Variants in ZNF835 observed in about 807,000 individuals in gnomAD.
The protein encoded by ZNF835 is zinc finger protein 835.
For missense variants in ZNF835, 783 were observed against 758.4 expected (o/e 1.03, Z -0.38); for synonymous variants, 323 against 324.7 (o/e 0.99, Z 0.06).
At chr19:56,667,994 G>T (rs557938126) in intron 1 of ZNF835, among the ~76,000 whole-genome samples, 6 of 152,104 alleles carry the variant, frequency 3.9e-5, no homozygotes, top group Admixed American at 2.6e-4. Flanking sequence ...TTTTTTGTTT[G>T]TTTGTTTTGT....
Position 56,663,857 on chromosome 19 carries a change from AG to A in ZNF835, c.1341del (p.Cys448AlafsTer14). On this transcript the variant is annotated frameshift_variant, in exon 2 of 2. Coordinates refer to ENST00000537055, the MANE Select transcript of ZNF835 (RefSeq NM_001005850.3). LOFTEE classifies it low-confidence loss of function (END_TRUNC). ...QRTHTGERPY[T>X]CPECGKAFSN... ...CTGAAGGCCTTGCCGCACTCGGGGCAGGTGTAGGGCCGCTCGCCCGTGTGCG... is the reference window on the plus strand; with the variant it reads ...CTGAAGGCCTTGCCGCACTCGGGGCAGTGTAGGGCCGCTCGCCCGTGTGCG... 1 of 1,613,406 alleles carries A rather than the reference AG, an allele frequency of 6.2e-7. No homozygotes were observed. The highest frequency in any genetic ancestry group is 8.5e-7 in the Non-Finnish European group (1 of 1,179,884).
rs1490177901 is a variant in ZNF835 at position 56,664,195 on chromosome 19, G to A, written c.1004C>T (p.Ala335Val). Residue 335 changes from alanine (A) to valine (V), a missense_variant, in exon 2 of 2, where the codon GCG becomes GTG. Coordinates refer to ENST00000537055, the MANE Select transcript of ZNF835 (RefSeq NM_001005850.3). ...RRIHTGEKPY[A>V]CGQCAKAFTQ... ...GAAGGCCTTGGCGCACTGGCCGCAC[G>A]CGTAGGGCTTCTCGCCTGTGTGGAT... 3.1e-6 allele frequency: 5 copies of A among 1,607,358 alleles called. No individual in the cohort carries two copies. Among genetic ancestry groups the A allele is most frequent in the Non-Finnish European group, 4.2e-6 (5 of 1,177,834 alleles).
Position 56,663,822 on chromosome 19 carries a change from G to A in ZNF835, c.1377C>T (p.Ser459=), listed in dbSNP as rs1050043027. ...GCACGATGTGGTGCTGGATCAGGTA[G>A]GAGCGGTTGCTGAAGGCCTTGCCGC... The part of the protein sequence containing the change: ...PECGKAFSNR[S]YLIQHHIVHT... Residue 459 remains serine, a synonymous_variant, in exon 2 of 2, where the codon TCC becomes TCT. Coordinates refer to ENST00000537055, the MANE Select transcript of ZNF835 (RefSeq NM_001005850.3). The A allele has an allele frequency of 8.7e-6, 14 of 1,613,972 alleles. No individual in the cohort carries two copies. Among genetic ancestry groups the A allele is most frequent in the Admixed American group, 1.7e-5 (1 of 60,030 alleles).
Position 56,664,974 on chromosome 19 carries a change from G to C in ZNF835, c.225C>G (p.Pro75=), listed in dbSNP as rs748045118. ...TGCACCTCCGGGAACTGCTGTCGTC[G>C]GGGACACTGGCTTGGGTAGCAGCAG... ...SSPAATQASV[P]DDSSSRRCSA... The change falls in exon 2 of 2, where the codon CCC becomes CCG. Residue 75 remains proline (P), a synonymous_variant. Coordinates refer to ENST00000537055, the MANE Select transcript of ZNF835 (RefSeq NM_001005850.3). 2 of 1,614,042 alleles carry C rather than the reference G, an allele frequency of 1.2e-6. No individual in the cohort carries two copies. Among genetic ancestry groups the C allele is most frequent in the South Asian group, 2.2e-5 (2 of 91,088 alleles).
Position 56,664,708 on chromosome 19 carries a change from T to G in ZNF835, c.491A>C (p.Lys164Thr), listed in dbSNP as rs775444825. Residue 164 changes from lysine to threonine, a missense_variant, in exon 2 of 2, where the codon AAG becomes ACG. Lys to Thr is a moderately conservative substitution (Grantham distance 78). Transcript: ENST00000537055. Reference protein sequence around the residue: ...TLHQRTHTGEKPYACHECGKA... With the variant: ...TLHQRTHTGETPYACHECGKA... ...GCCGCACTCGTGGCAGGCGTAGGGC[T>G]TCTCGCCCGTGTGCGTGCGCTGGTG... The G allele has an allele frequency of 3.1e-6, 5 of 1,610,730 alleles. No homozygotes were observed. The Admixed American group carries it at 8.3e-5, about 27-fold the overall frequency.
At chr19:56,668,111 C>T (rs1035528428) in intron 1 of ZNF835, among the ~76,000 whole-genome samples, 2 of 152,074 alleles carry the variant, frequency 1.3e-5, no homozygotes, top group African/African-American at 4.8e-5. Context: ...GATTCTCCTG[C>T]CTCAGCCTCC....
intron 1 of ZNF835, among the ~76,000 whole-genome samples, chr19:56,671,212 CCTG>C (rs2045288115): frequency 6.8e-6 from 1 of 147,630 alleles, no homozygotes; most frequent in Admixed American, 6.8e-5. Flanking sequence ...CACACCTGCA[CCTG>C]CTGGTACCGT....
chr19:56,670,292 C>G (rs1285505342), intron 1 of ZNF835, among the ~76,000 whole-genome samples: 1 of 152,094 alleles, frequency 6.6e-6, no homozygotes, highest in Non-Finnish European at 1.5e-5. Flanking sequence ...AAAGATTAAA[C>G]ATATATTTCT....
At chr19:56,665,403 C>G (rs751344894) in intron 1 of ZNF835, 158 bp from the exon 2 acceptor site, 6 of 792,070 alleles carry the variant, frequency 7.6e-6, no homozygotes, top group Non-Finnish European at 1.3e-5. Flanking sequence ...TGGGACCCAT[C>G]CTGTGTGTTG....
chr19:56,669,742 T>C (rs1396831631), intron 1 of ZNF835, among the ~76,000 whole-genome samples: 1 of 30,526 alleles, frequency 3.3e-5, no homozygotes, highest in Non-Finnish European at 5.3e-5. Context: ...TACTTGGGGG[T>C]CTACCAGGAG....
rs1344308556 is a variant in ZNF835 at position 56,662,350 on chromosome 19, T to G, written c.*1235A>C. 2 of 152,118 alleles carry G rather than the reference T, an allele frequency of 1.3e-5. No individual in the cohort carries two copies. Among genetic ancestry groups the G allele is most frequent in the African/African-American group, 4.8e-5 (2 of 41,400 alleles). The allele number at this position is 152,118 out of a possible 1,614,324, so 9.4% of individuals were successfully genotyped here. On this transcript the variant is annotated 3_prime_UTR_variant, in exon 2 of 2. Transcript: ENST00000537055. ...AGCTGACCTCCAGATGCATGAGAAATAGTAAATGGATAAATGAGGGCTGGA... is the reference window on the plus strand; with the variant it reads ...AGCTGACCTCCAGATGCATGAGAAAGAGTAAATGGATAAATGAGGGCTGGA...
At chr19:56,666,980 T>G (rs2045251791) in intron 1 of ZNF835, among the ~76,000 whole-genome samples, 1 of 152,294 alleles carries the variant, frequency 6.6e-6, no homozygotes, top group East Asian at 1.9e-4. Flanking sequence ...GTGAAGGAGC[T>G]GCCCAGGGTC....
intron 1 of ZNF835, among the ~76,000 whole-genome samples, chr19:56,667,231 A>G (rs754603201): frequency 6.6e-6 from 1 of 152,222 alleles, no homozygotes; most frequent in African/African-American, 2.4e-5. Context: ...TGTACACTGG[A>G]CCTGCACGCT....
intron 1 of ZNF835, 23 bp from the exon 2 acceptor site, chr19:56,665,268 A>C (rs2045236188): frequency 1.3e-6 from 2 of 1,593,472 alleles, no homozygotes; most frequent in Non-Finnish European, 1.7e-6. Context: ...AGATAGAAAA[A>C]AAAATTAAAT....
rs2045294882 is a variant in ZNF835, at chr19:56,671,654, T to C, written c.-126A>G. ...AGCCTGGTGCAGTCGGCTCCGCTTC[T>C]ACTCAGTCTCGGGTCCTCCTGGGCC... On this transcript the variant is annotated 5_prime_UTR_variant, in exon 1 of 2. Coordinates refer to ENST00000537055, the MANE Select transcript of ZNF835 (RefSeq NM_001005850.3). The C allele has an allele frequency of 6.6e-6, 1 of 152,258 alleles. No individual in the cohort carries two copies. Among genetic ancestry groups the C allele is most frequent in the South Asian group, 2.1e-4 (1 of 4,836 alleles). 9.4% of individuals were successfully genotyped at this position (152,258 alleles called of 1,614,324 possible).
At position 56,663,793 on chromosome 19, in the gene ZNF835, G is replaced by A. The variant is rs1465875472; in HGVS notation, c.1406C>T (p.Thr469Ile). ...SYLIQHHIVH[T>I]GEKPYECSGC... is the part of the protein sequence containing the mutation. Reference sequence around the variant, plus strand: ...GCTGCACTCGTAGGGCTTCTCCCCGGTGTGCACGATGTGGTGCTGGATCAG... The same window carrying A: ...GCTGCACTCGTAGGGCTTCTCCCCGATGTGCACGATGTGGTGCTGGATCAG... Residue 469 changes from threonine to isoleucine, a missense_variant, in exon 2 of 2, where the codon ACC (threonine) becomes ATC (isoleucine). Physicochemically the swap from Thr to Ile is moderately conservative, Grantham distance 89. Transcript: ENST00000537055. The A allele has an allele frequency of 1.2e-6, 2 of 1,613,994 alleles. No individual in the cohort carries two copies. The highest frequency in any genetic ancestry group is 2.7e-5 in the African/African-American group (2 of 74,950).
Position 56,664,011 on chromosome 19 carries a change from C to G in ZNF835, c.1188G>C (p.Gly396=). Residue 396 remains glycine (G), a synonymous_variant, in exon 2 of 2, where the codon GGG becomes GGC. Transcript: ENST00000537055. ...GERPYRCLQC[G]AAFSHVSSLI... ...GCGAGGACACGTGGCTGAAGGCGGC[C>G]CCGCATTGCAGGCACCTGTAGGGCC... is the stretch of plus-strand genomic sequence containing the variant. 1 of 1,611,386 alleles carries G rather than the reference C, an allele frequency of 6.2e-7. No individual in the cohort carries two copies. Among genetic ancestry groups the G allele is most frequent in the Non-Finnish European group, 8.5e-7 (1 of 1,179,142 alleles).
Position 56,664,020 on chromosome 19 carries a change from C to T in ZNF835, c.1179G>A (p.Leu393=), listed in dbSNP as rs1377122606. Residue 393 remains leucine (L), a synonymous_variant, in exon 2 of 2, where the codon CTG becomes CTA. Transcript: ENST00000537055. ...VHTGERPYRC[L]QCGAAFSHVS... ...CGTGGCTGAAGGCGGCCCCGCATTG[C>T]AGGCACCTGTAGGGCCGCTCACCGG... 3.1e-6 allele frequency: 5 copies of T among 1,604,320 alleles called. No individual in the cohort carries two copies. Among genetic ancestry groups the T allele is most frequent in the South Asian group, 1.1e-5 (1 of 90,734 alleles).
At position 56,664,970 on chromosome 19, in the gene ZNF835, C is replaced by T. The variant is rs1022772858; in HGVS notation, c.229G>A (p.Asp77Asn). ...GCGCTGCACCTCCGGGAACTGCTGTCGTCGGGGACACTGGCTTGGGTAGCA... is the reference window on the plus strand; with the variant it reads ...GCGCTGCACCTCCGGGAACTGCTGTTGTCGGGGACACTGGCTTGGGTAGCA... Reference protein sequence around the residue: ...PAATQASVPDDSSSRRCSAPG... With the variant: ...PAATQASVPDNSSSRRCSAPG... The change falls in exon 2 of 2, where the codon GAC (aspartate) becomes AAC (asparagine). Residue 77 changes from aspartate to asparagine, a missense_variant. Coordinates refer to ENST00000537055, the MANE Select transcript of ZNF835 (RefSeq NM_001005850.3). 1.7e-5 allele frequency: 27 copies of T among 1,613,920 alleles called. No homozygotes were observed. In the Admixed American group the frequency reaches 3.2e-4, roughly 19 times the overall value.
Sources: allele counts gnomAD v4.1 joint callset (sites outside exome capture counted in the v4.1 genomes callset), GRCh38; gene constraint gnomAD v4.1.1; transcripts MANE v1.5; gene names NCBI Gene and HGNC (gene_info 2026-07-23, HGNC 2026-07-21).